Variants in AFF3 observed in about 807,000 individuals in gnomAD.
The protein encoded by AFF3 is AF4/FMR2 family member 3.
Under a neutral mutation model 129.7 loss-of-function variants are expected in AFF3, and 32 were observed. The observed-to-expected ratio is 0.25, with a 90% CI of 0.19 to 0.33. AFF3 has a LOEUF of 0.33. Ranked by LOEUF, AFF3 falls within the 10% of genes least tolerant of loss-of-function variation. AFF3 has a pLI of 1.00. For missense variants in AFF3, 1,373 were observed against 1,592.0 expected, an observed-to-expected ratio of 0.86 and a Z score of 2.34; for synonymous variants, 644 against 635.4, an observed-to-expected ratio of 1.01 and a Z score of -0.20.
chr2:99,679,554 A>C (rs879346359), intron 11 of AFF3, among the ~76,000 whole-genome samples: 17 of 152,140 alleles, frequency 1.1e-4, no homozygotes, highest in Admixed American at 5.2e-4. Context: ...TCAAAATCTC[A>C]ATCAGTCAAC....
chr2:100,017,949 A>G (rs1190409770), intron 4 of AFF3, among the ~76,000 whole-genome samples: 3 of 151,948 alleles, frequency 2.0e-5, no homozygotes, highest in Non-Finnish European at 4.4e-5. Context: ...AAAGGGTATT[A>G]ATTTACAGAT....
intron 22 of AFF3, among the ~76,000 whole-genome samples, chr2:99,557,565 C>A (rs1559473728): frequency 1.3e-5 from 2 of 152,212 alleles, no homozygotes; most frequent in Admixed American, 1.3e-4. Flanking sequence ...TTTATTCAAG[C>A]ATTTTCCTTG....
chr2:99,891,683 C>T lies in AFF3; in HGVS notation c.874-54159G>A, dbSNP rs574480155. On this transcript the variant is annotated intron_variant, in intron 7 of 24. Coordinates refer to ENST00000672756, the MANE Select transcript of AFF3 (RefSeq NM_001386135.1). ...GCAGACATAACCTCACTGTGCGAGG[C>T]GATACTGCCTCACTGTACAGATGAA... Among the ~76,000 whole-genome samples the T allele has an allele frequency of 3.9e-5, 6 of 152,296 alleles. 1 individual carries two copies. In the South Asian group the frequency reaches 6.2e-4, roughly 16 times the overall value.
At chr2:99,693,221 A>C (rs1675855736) in intron 11 of AFF3, among the ~76,000 whole-genome samples, 1 of 152,232 alleles carries the variant, frequency 6.6e-6, no homozygotes, top group Non-Finnish European at 1.5e-5. Flanking sequence ...TCCATTATAA[A>C]CTGGAATCAA....
At chr2:99,663,676 T>C (rs9308827) in intron 12 of AFF3, among the ~76,000 whole-genome samples, 128,459 of 152,222 alleles carry the variant, frequency 0.84, 54,269 homozygotes, top group East Asian at 0.92. Context: ...ATAAACCATG[T>C]TCATTTAAAG....
chr2:99,975,754 C>CTTTTT (rs35224838), intron 7 of AFF3, among the ~76,000 whole-genome samples: 2 of 103,886 alleles, frequency 1.9e-5, no homozygotes, highest in African/African-American at 3.9e-5. Flanking sequence ...TTTCCCTCCA[C>CTTTTT]TTTTTTTTTT....
At chr2:99,984,730 G>A (rs1157412140) in intron 7 of AFF3, among the ~76,000 whole-genome samples, 1 of 149,358 alleles carries the variant, frequency 6.7e-6, no homozygotes, top group Non-Finnish European at 1.5e-5. Context: ...TTAATTCACA[G>A]GAACTGCTTG....
intron 8 of AFF3, among the ~76,000 whole-genome samples, chr2:99,783,921 A>G (rs1684593415): frequency 1.3e-5 from 2 of 152,264 alleles, no homozygotes; most frequent in Admixed American, 6.5e-5. Context: ...TGCTAAACAT[A>G]GATATTGTAT....
chr2:99,598,735 G>C (rs764347597), intron 14 of AFF3, among the ~76,000 whole-genome samples: 1 of 152,208 alleles, frequency 6.6e-6, no homozygotes, highest in Admixed American at 6.5e-5. Context: ...TGACTGTCAT[G>C]TGGGGTTCAG....
At chr2:99,854,030 T>C (rs779848861) in intron 7 of AFF3, among the ~76,000 whole-genome samples, 5 of 152,170 alleles carry the variant, frequency 3.3e-5, no homozygotes, top group Non-Finnish European at 7.3e-5. Flanking sequence ...AAATATTACA[T>C]CAAATGATCT....
chr2:100,029,094 A>C (rs1302813465), intron 4 of AFF3, among the ~76,000 whole-genome samples: 1 of 152,222 alleles, frequency 6.6e-6, no homozygotes. Flanking sequence ...TTAAGAAGAA[A>C]GAAAATCCTA....
At chr2:99,724,813 G>C (rs1679224538) in intron 11 of AFF3, among the ~76,000 whole-genome samples, 1 of 152,138 alleles carries the variant, frequency 6.6e-6, no homozygotes, top group African/African-American at 2.4e-5. Flanking sequence ...CCATTCATAG[G>C]AGAGATGCTT....
At chr2:99,822,966 T>G (rs1687802331) in intron 8 of AFF3, among the ~76,000 whole-genome samples, 1 of 152,192 alleles carries the variant, frequency 6.6e-6, no homozygotes, top group Non-Finnish European at 1.5e-5. Flanking sequence ...TCTCACTGTC[T>G]GGACAGAACC....
intron 13 of AFF3, among the ~76,000 whole-genome samples, chr2:99,622,429 T>C (rs913448475): frequency 3.9e-5 from 6 of 152,212 alleles, no homozygotes; most frequent in African/African-American, 1.4e-4. Flanking sequence ...GGTTGTTTTA[T>C]GGGCAGGCTG....
chr2:99,630,805 C>A (rs142285550), intron 13 of AFF3: 132 of 218,336 alleles, frequency 6.0e-4, no homozygotes, highest in African/African-American at 3.0e-3. Flanking sequence ...TCCCATAATC[C>A]AATCACCTCC....
At chr2:100,107,416 A>G (rs1242222126) in intron 2 of AFF3, 7 of 985,222 alleles carry the variant, frequency 7.1e-6, no homozygotes, top group Admixed American at 6.1e-5. Flanking sequence ...AAGGGTTTGG[A>G]CTTTTGGGGA....
intron 15 of AFF3, among the ~76,000 whole-genome samples, chr2:99,590,795 C>T (rs987390139): frequency 6.6e-6 from 1 of 152,040 alleles, no homozygotes; most frequent in Non-Finnish European, 1.5e-5. Flanking sequence ...GAGTTCGAGA[C>T]CAGCCTGACC....
chr2:100,139,241 A>G (rs895558932), intron 1 of AFF3, among the ~76,000 whole-genome samples: 1 of 152,140 alleles, frequency 6.6e-6, no homozygotes, highest in African/African-American at 2.4e-5. Context: ...TGGTCTCCAC[A>G]TTGCTCCTTG....
At position 99,836,487 on chromosome 2, in the gene AFF3, T is replaced by G. The variant is rs6741385; in HGVS notation, c.921+990A>C. Reference sequence around the variant, plus strand: ...AAATCTCTGCCAGAAAAAAAATCATTATGAATTCAACAAATCACATCTCAA... The same window carrying G: ...AAATCTCTGCCAGAAAAAAAATCATGATGAATTCAACAAATCACATCTCAA... On this transcript the variant is annotated intron_variant, in intron 8 of 24. Coordinates refer to ENST00000672756, the MANE Select transcript of AFF3 (RefSeq NM_001386135.1). 9.0e-3 allele frequency among the ~76,000 whole-genome samples: 1,368 copies of G among 152,262 alleles called. 25 individuals carry two copies. Among genetic ancestry groups the G allele is most frequent in the African/African-American group, 0.032 (1,324 of 41,560 alleles).
Sources: allele counts gnomAD v4.1 joint callset (sites outside exome capture counted in the v4.1 genomes callset), GRCh38; gene constraint gnomAD v4.1.1; transcripts MANE v1.5; gene names NCBI Gene and HGNC (gene_info 2026-07-23, HGNC 2026-07-21).